The following CEP43 variants were observed in gnomAD, a reference collection of about 807,000 sequenced individuals.
CEP43 encodes the protein FGFR1 oncogene partner.
In CEP43, 36 loss-of-function variants were observed where a neutral mutation model predicts 52.6. The observed-to-expected ratio is 0.68, with a 90% CI of 0.52 to 0.90. The LOEUF (loss-of-function observed/expected upper bound fraction) is 0.90. Ranked by LOEUF, CEP43 falls within the 40% of genes least tolerant of loss-of-function variation. The pLI is 0.00. For missense variants in CEP43, 506 were observed against 472.8 expected, an observed-to-expected ratio of 1.07 and a Z score of -0.65; for synonymous variants, 192 against 172.4, an observed-to-expected ratio of 1.11 and a Z score of -0.89.
intron 5 of CEP43, among the ~76,000 whole-genome samples, chr6:167,008,054 C>T (rs927534018): frequency 2.0e-5 from 3 of 151,766 alleles, no homozygotes; most frequent in African/African-American, 4.8e-5. Flanking sequence ...ACTCAGGAGT[C>T]CCAGATTCTT....
intron 9 of CEP43, 88 bp downstream of exon 9, chr6:167,024,982 G>A: frequency 1.3e-6 from 1 of 740,804 alleles, no homozygotes. Flanking sequence ...TTTTTTCCCA[G>A]GAAAATCACT....
intron 3 of CEP43, 171 bp downstream of exon 3, chr6:167,003,418 G>A: frequency 2.0e-6 from 1 of 501,476 alleles, no homozygotes; most frequent in East Asian, 3.2e-5. Flanking sequence ...ACATATTTTT[G>A]GATTTGGGAT....
intron 2 of CEP43, among the ~76,000 whole-genome samples, chr6:167,001,968 C>T (rs150129123): frequency 6.6e-6 from 1 of 152,154 alleles, no homozygotes; most frequent in African/African-American, 2.4e-5. Context: ...TTAGAATTCC[C>T]TGAACCAGCC....
At chr6:167,013,698 G>A (rs891965920) in intron 7 of CEP43, 131 bp downstream of exon 7, 1 of 705,450 alleles carries the variant, frequency 1.4e-6, no homozygotes, top group Non-Finnish European at 2.4e-6. Flanking sequence ...TTGAGGCTGG[G>A]CTAGGTGGCT....
In CEP43 at chr6:167,042,036, C is replaced by A. The variant is rs996459529; in HGVS notation, c.*2058C>A. 6.7e-6 allele frequency: 4 copies of A among 597,134 alleles called. No homozygotes were observed. The highest frequency in any genetic ancestry group is 8.5e-6 in the Non-Finnish European group (4 of 470,102). 37.0% of individuals were successfully genotyped at this position (597,134 alleles called of 1,614,324 possible). A position where few individuals can be genotyped will look rare whatever the true frequency, so the allele number is the denominator to read the frequency against. ...ATGGGGTTTCACCATGTTGGTCAGG[C>A]TGGTCTTGAACTCCTGACCTCGTTC... On this transcript the variant is annotated 3_prime_UTR_variant, in exon 13 of 13. Coordinates refer to ENST00000366847, the MANE Select transcript of CEP43 (RefSeq NM_007045.4).
intron 7 of CEP43, among the ~76,000 whole-genome samples, chr6:167,017,159 C>T (rs1320570808): frequency 6.6e-6 from 1 of 151,772 alleles, no homozygotes; most frequent in African/African-American, 2.4e-5. Flanking sequence ...CCAAGCCCGG[C>T]TAATTTTTTG....
chr6:167,036,638 G>A, intron 12 of CEP43: 1 of 985,340 alleles, frequency 1.0e-6, no homozygotes, highest in Non-Finnish European at 1.2e-6. Context: ...TATGAAGCTT[G>A]CTATCACAGG....
rs1554275459 is a variant in CEP43, at chr6:167,022,289, C to CAT, written c.580-119_580-118insTA. 90 of 664,662 alleles carry CAT rather than the reference C, an allele frequency of 1.4e-4. No individual in the cohort carries two copies. In the African/African-American group the frequency reaches 1.7e-3, roughly 12 times the overall value. 41.2% of individuals were successfully genotyped at this position (664,662 alleles called of 1,614,324 possible). ...ACACACACACACACACACACACACA[C>CAT]ACACACAAAGGTTGCACACACACAG... On this transcript the variant is annotated intron_variant, in intron 7 of 12. Coordinates refer to ENST00000366847, the MANE Select transcript of CEP43 (RefSeq NM_007045.4).
intron 7 of CEP43, among the ~76,000 whole-genome samples, chr6:167,016,663 G>C (rs1039854574): frequency 6.6e-6 from 1 of 152,198 alleles, no homozygotes; most frequent in African/African-American, 2.4e-5. Flanking sequence ...GTCACCTGAG[G>C]ATTTTCCAAA....
At chr6:167,026,059 T>C (rs1242967936) in intron 9 of CEP43, among the ~76,000 whole-genome samples, 1 of 152,160 alleles carries the variant, frequency 6.6e-6, no homozygotes, top group Non-Finnish European at 1.5e-5. Context: ...AAAGTAGTAT[T>C]GTTTATGGTT....
chr6:167,009,588 C>T (rs996615784), intron 5 of CEP43, among the ~76,000 whole-genome samples: 2 of 149,436 alleles, frequency 1.3e-5, no homozygotes, highest in East Asian at 3.9e-4. Flanking sequence ...TCGCTTGAAC[C>T]CGGCAGTCGG....
chr6:167,011,931 T>G (rs573608066), intron 6 of CEP43, among the ~76,000 whole-genome samples: 1 of 152,320 alleles, frequency 6.6e-6, no homozygotes, highest in Admixed American at 6.5e-5. Flanking sequence ...ACATAGGAGC[T>G]GGGGGTTTGT....
intron 7 of CEP43, among the ~76,000 whole-genome samples, chr6:167,015,927 A>G (rs192161505): frequency 1.8e-4 from 27 of 152,322 alleles, no homozygotes; most frequent in Admixed American, 1.3e-4. Flanking sequence ...AAGGAGTATA[A>G]ATATGAAATG....
intron 6 of CEP43, among the ~76,000 whole-genome samples, chr6:167,012,392 G>C (rs1236710495): frequency 6.6e-6 from 1 of 151,498 alleles, no homozygotes; most frequent in Non-Finnish European, 1.5e-5. Context: ...AATACTCATA[G>C]GAGGCTATAA....
At chr6:167,034,038 G>C in intron 12 of CEP43, 67 bp downstream of exon 12, 1 of 679,878 alleles carries the variant, frequency 1.5e-6, no homozygotes, top group Non-Finnish European at 2.5e-6. Flanking sequence ...TTACTGTAAA[G>C]CTTCAAAATT....
At chr6:167,019,878 C>T (rs1780186766) in intron 7 of CEP43, among the ~76,000 whole-genome samples, 1 of 152,058 alleles carries the variant, frequency 6.6e-6, no homozygotes, top group Admixed American at 6.6e-5. Context: ...TATTGTTTCT[C>T]ATAATATTGC....
rs948402703 is a variant in CEP43, at chr6:167,050,964, A to G, written c.*10986A>G. ...GAGACTGGAGTTTTATTATTACTCA[A>G]ATCAGCCTCCACAAAAATTTGGAGG... is the stretch of plus-strand genomic sequence containing the variant. On this transcript the variant is annotated 3_prime_UTR_variant, in exon 13 of 13. Coordinates refer to ENST00000366847, the MANE Select transcript of CEP43 (RefSeq NM_007045.4). The G allele has an allele frequency of 6.6e-6, 1 of 152,100 alleles. No homozygotes were observed. The highest frequency in any genetic ancestry group is 6.6e-5 in the Admixed American group (1 of 15,266). The allele number at this position is 152,100 out of a possible 1,614,324, so 9.4% of individuals were successfully genotyped here.
At chr6:167,037,279 C>T (rs1396619614) in intron 12 of CEP43, among the ~76,000 whole-genome samples, 1 of 152,190 alleles carries the variant, frequency 6.6e-6, no homozygotes, top group Admixed American at 6.5e-5. Flanking sequence ...ACTGAATTAT[C>T]TAGATTAAGA....
At chr6:166,999,753 C>T in intron 1 of CEP43, 1 of 515,344 alleles carries the variant, frequency 1.9e-6, no homozygotes, top group South Asian at 2.9e-5. Flanking sequence ...TCCCCTGCCT[C>T]ATTCCGTGGG....
Sources: gnomAD v4.1 joint callset for allele counts (sites outside exome capture counted in the v4.1 genomes callset) on GRCh38, gnomAD v4.1.1 for gene constraint, MANE v1.5 for transcripts, NCBI Gene and HGNC (gene_info 2026-07-23, HGNC 2026-07-21) for gene names.